KCNQ1: variants seen among roughly 807,000 people sequenced by gnomAD.
KCNQ1 encodes potassium voltage-gated channel subfamily KQT member 1.
A neutral mutation model predicts 72.4 loss-of-function variants in KCNQ1; 49 were observed. The observed-to-expected ratio is 0.68, with a 90% CI of 0.54 to 0.86. The LOEUF is 0.86. Among genes scored for constraint, KCNQ1 ranks in the 40% least tolerant of loss-of-function variants. The probability of loss-of-function intolerance (pLI) is 0.00; values close to 1 mark genes in which losing one functional copy is unlikely to be tolerated. For synonymous variants in KCNQ1, 450 were observed against 412.6 expected (o/e 1.09, Z -1.10); for missense variants, 790 against 945.1 (o/e 0.84, Z 2.15).
At chr11:2,469,977 T>C (rs566017455) in intron 1 of KCNQ1, among the ~76,000 whole-genome samples, 109 of 152,312 alleles carry the variant, frequency 7.2e-4, no homozygotes, top group Middle Eastern at 6.8e-3. Flanking sequence ...ACAACTTGTT[T>C]TTAGAGCTGC....
Position 2,538,185 on chromosome 11 carries a change from C to T in KCNQ1, c.477+10167C>T, listed in dbSNP as rs1436052848. Reference sequence around the variant, plus strand: ...CACAGCCTGCATTTAAGGCTCGTCACTGGTCCCAGTGAGTGTGGCTGGTTT... The same window carrying T: ...CACAGCCTGCATTTAAGGCTCGTCATTGGTCCCAGTGAGTGTGGCTGGTTT... On this transcript the variant is annotated intron_variant, in intron 2 of 15. Coordinates refer to ENST00000155840, the MANE Select transcript of KCNQ1 (RefSeq NM_000218.3). This position sits in a 1 kb window ranked among gnomAD's most constrained non-coding sequence, Gnocchi z 6.7. Among the ~76,000 whole-genome samples the T allele has an allele frequency of 1.3e-5, 2 of 152,248 alleles. No homozygotes were observed. Among genetic ancestry groups the T allele is most frequent in the Middle Eastern group, 3.2e-3 (1 of 316 alleles).
At chr11:2,455,912 C>G (rs750796544) in intron 1 of KCNQ1, among the ~76,000 whole-genome samples, 4 of 152,184 alleles carry the variant, frequency 2.6e-5, no homozygotes, top group Non-Finnish European at 5.9e-5. Context: ...GCCATCTGAT[C>G]ATCAATAAAA....
At chr11:2,650,732 G>C (rs922956833) in intron 10 of KCNQ1, 1 of 398,444 alleles carries the variant, frequency 2.5e-6, no homozygotes, top group Non-Finnish European at 4.4e-6. Flanking sequence ...AATGCTATTG[G>C]AATTTGGCTC....
intron 15 of KCNQ1, among the ~76,000 whole-genome samples, chr11:2,837,416 C>T (rs551515324): frequency 2.0e-5 from 3 of 152,310 alleles, no homozygotes; most frequent in South Asian, 2.1e-4. Flanking sequence ...CGTTCCCAGA[C>T]ACGCCCGGGC....
chr11:2,649,853 G>A (rs766826020), intron 10 of KCNQ1: 1 of 398,346 alleles, frequency 2.5e-6, no homozygotes, highest in African/African-American at 2.1e-5. Context: ...AACTTTGGCA[G>A]TTTTCAGGTA....
Position 2,848,343 on chromosome 11 carries a change from C to G in KCNQ1, c.*340C>G. On this transcript the variant is annotated 3_prime_UTR_variant, in exon 16 of 16. Coordinates refer to ENST00000155840, the MANE Select transcript of KCNQ1 (RefSeq NM_000218.3). ...GCCCATGTATGGCCAGGAAGTAGCA[C>G]AGGCTGAGTGCAGGCCCACCCTGCT... 1.8e-6 allele frequency: 1 copy of G among 567,000 alleles called. No homozygotes were observed. The highest frequency in any genetic ancestry group is 4.7e-4 in the Middle Eastern group (1 of 2,130). The allele number at this position is 567,000 out of a possible 1,614,324, so 35.1% of individuals were successfully genotyped here.
chr11:2,461,792 T>A (rs190443627), intron 1 of KCNQ1: 117 of 1,236,658 alleles, frequency 9.5e-5, no homozygotes, highest in Admixed American at 5.4e-4. Flanking sequence ...TGGTCAGTTA[T>A]GGGTGGCGGG....
At position 2,461,666 on chromosome 11, in the gene KCNQ1, C is replaced by A. The variant is rs1402899666; in HGVS notation, c.386+16182C>A. 5 of 1,366,866 alleles carry A rather than the reference C, an allele frequency of 3.7e-6. No homozygotes were observed. The African/African-American group carries it at 7.4e-5, about 20-fold the overall frequency. 84.7% of individuals were successfully genotyped at this position (1,366,866 alleles called of 1,614,324 possible). On this transcript the variant is annotated intron_variant, in intron 1 of 15. Transcript: ENST00000155840. ...TTTGAGGCCTGTGGCTGCTGTGGAC[C>A]CTGGGAAAGAGCCTGTGCTTCCTGA...
rs566393192 is a variant in KCNQ1, at chr11:2,667,578, G to A, written c.1514+5497G>A. 1.3e-3 allele frequency: 501 copies of A among 398,412 alleles called. 1 individual carries two copies. Among genetic ancestry groups the A allele is most frequent in the Middle Eastern group, 1.9e-3 (3 of 1,592 alleles). 24.7% of individuals were successfully genotyped at this position (398,412 alleles called of 1,614,324 possible). On this transcript the variant is annotated intron_variant, in intron 11 of 15. Transcript: ENST00000155840. ...GACACTTCTGGCAGTTGGGGCAGGG[G>A]GTCGGGGCGGGGTTGGGCGGGGGGC...
At chr11:2,749,531 C>T (rs551487220) in intron 11 of KCNQ1, among the ~76,000 whole-genome samples, 4 of 151,278 alleles carry the variant, frequency 2.6e-5, no homozygotes, top group South Asian at 2.1e-4. Context: ...GAGGCTTGGC[C>T]GGGCGTGCTG....
chr11:2,847,868 A>G lies in KCNQ1; in HGVS notation c.1896A>G (p.Arg632=), dbSNP rs1365502813. The G allele has an allele frequency of 1.3e-6, 2 of 1,578,242 alleles. No homozygotes were observed. The highest frequency in any genetic ancestry group is 1.8e-5 in the Admixed American group (1 of 55,712). ...GSTPGSGGPP[R]EGGAHITQPC... Reference sequence around the variant, plus strand: ...CCCCCGGCAGCGGCGGCCCCCCCAGAGAGGGCGGGGCCCACATCACCCAGC... The same window carrying G: ...CCCCCGGCAGCGGCGGCCCCCCCAGGGAGGGCGGGGCCCACATCACCCAGC... Residue 632 remains arginine, a synonymous_variant, in exon 16 of 16, where the codon AGA becomes AGG. Transcript: ENST00000155840.
chr11:2,638,000 C>T (rs1299896075), intron 10 of KCNQ1: 2 of 152,106 alleles, frequency 1.3e-5, no homozygotes, highest in Non-Finnish European at 2.9e-5. Context: ...AGGATTGCAA[C>T]CCCTGCCTTT....
At position 2,781,858 on chromosome 11, in the gene KCNQ1, C is replaced by T. The variant is rs999109891; in HGVS notation, c.1794+3821C>T. On this transcript the variant is annotated intron_variant, in intron 15 of 15. Transcript: ENST00000155840. The surrounding 1 kb of genome is among the most constrained non-coding windows in gnomAD (Gnocchi z 6.6). Reference sequence around the variant, plus strand: ...ATGCCGCAGTTCAGAAAGCGTTGGGCGGGAAGGGGCCCCCACCACCTGACA... The same window carrying T: ...ATGCCGCAGTTCAGAAAGCGTTGGGTGGGAAGGGGCCCCCACCACCTGACA... Among the ~76,000 whole-genome samples, 4 of 152,080 alleles carry T rather than the reference C, an allele frequency of 2.6e-5. No homozygotes were observed. Among genetic ancestry groups the T allele is most frequent in the African/African-American group, 7.2e-5 (3 of 41,404 alleles).
rs1846646635 is a variant in KCNQ1, at chr11:2,481,293, C to T, written c.386+35809C>T. Reference sequence around the variant, plus strand: ...TTTAAAGAAGAAAAGTAAAATGACTCATCGTACCAAAAGCCAGAGATGCCA... The same window carrying T: ...TTTAAAGAAGAAAAGTAAAATGACTTATCGTACCAAAAGCCAGAGATGCCA... On this transcript the variant is annotated intron_variant, in intron 1 of 15. Transcript: ENST00000155840. This position sits in a 1 kb window ranked among gnomAD's most constrained non-coding sequence, Gnocchi z 4.6. 6.6e-6 allele frequency among the ~76,000 whole-genome samples: 1 copy of T among 152,174 alleles called. No individual in the cohort carries two copies. The highest frequency in any genetic ancestry group is 1.5e-5 in the Non-Finnish European group (1 of 68,038).
chr11:2,708,226 C>A (rs1850943949), intron 11 of KCNQ1, among the ~76,000 whole-genome samples: 1 of 152,246 alleles, frequency 6.6e-6, no homozygotes, highest in African/African-American at 2.4e-5. Context: ...GTGCACACTT[C>A]TTCAGCAGCC....
At chr11:2,819,452 G>A (rs1386373933) in intron 15 of KCNQ1, among the ~76,000 whole-genome samples, 1 of 152,234 alleles carries the variant, frequency 6.6e-6, no homozygotes, top group Non-Finnish European at 1.5e-5. Context: ...AAACAGCAGG[G>A]TCCAAACACC....
At chr11:2,684,213 C>CAGCT (rs1157100609) in intron 11 of KCNQ1, 3 of 398,502 alleles carry the variant, frequency 7.5e-6, no homozygotes, top group African/African-American at 6.2e-5. Context: ...AGGAGACAGG[C>CAGCT]AGCTGTCTGT....
In KCNQ1 at chr11:2,746,687, G is replaced by A. The variant is rs934707820; in HGVS notation, c.1515-22157G>A. Among the ~76,000 whole-genome samples, 20 of 152,218 alleles carry A rather than the reference G, an allele frequency of 1.3e-4. No individual in the cohort carries two copies. Among genetic ancestry groups the A allele is most frequent in the African/African-American group, 3.9e-4 (16 of 41,454 alleles). The stretch of plus-strand genomic sequence containing the variant: ...CCCTGTTCCGAGGGCCCATCCTGTC[G>A]GTGTGGCTCGTCATGGGCGATGCTG... On this transcript the variant is annotated intron_variant, in intron 11 of 15. Coordinates refer to ENST00000155840, the MANE Select transcript of KCNQ1 (RefSeq NM_000218.3). The surrounding 1 kb of genome is among the most constrained non-coding windows in gnomAD (Gnocchi z 5.9).
chr11:2,673,330 T>C lies in KCNQ1; in HGVS notation c.1514+11249T>C, dbSNP rs1850220896. ...ATCCCACAGGCTACCAGGCCAGCTT[T>C]TGGAAACAGTCTCATTAGCAAACAA... is the stretch of plus-strand genomic sequence containing the variant. On this transcript the variant is annotated intron_variant, in intron 11 of 15. Coordinates refer to ENST00000155840, the MANE Select transcript of KCNQ1 (RefSeq NM_000218.3). The surrounding 1 kb of genome is among the most constrained non-coding windows in gnomAD (Gnocchi z 4.5). The C allele has an allele frequency of 2.5e-6, 1 of 398,632 alleles. No individual in the cohort carries two copies. The highest frequency in any genetic ancestry group is 4.4e-6 in the Non-Finnish European group (1 of 226,162). 24.7% of individuals were successfully genotyped at this position (398,632 alleles called of 1,614,324 possible). A position where few individuals can be genotyped will look rare whatever the true frequency, so the allele number is the denominator to read the frequency against.
Sources: gnomAD v4.1 joint callset for allele counts (sites outside exome capture counted in the v4.1 genomes callset) on GRCh38, gnomAD v4.1.1 for gene constraint, Gnocchi (gnomAD v3.1) non-coding constraint, MANE v1.5 for transcripts, NCBI Gene and HGNC (gene_info 2026-07-23, HGNC 2026-07-21) for gene names.